BTBD17: variants seen among roughly 807,000 people sequenced by gnomAD.
The protein encoded by BTBD17 is BTB domain containing 17.
BTBD17 carries 26 observed loss-of-function variants against 36.9 expected under a neutral mutation model. The observed-to-expected ratio is 0.70, with a 90% CI of 0.52 to 0.98. BTBD17 has a LOEUF of 0.98. Ranked by LOEUF, BTBD17 falls within the 50% of genes least tolerant of loss-of-function variation. BTBD17 has a pLI of 0.00. For missense variants in BTBD17, 630 were observed against 691.3 expected (o/e 0.91, Z 0.99); for synonymous variants, 341 against 338.0 (o/e 1.01, Z -0.10).
Position 74,360,304 on chromosome 17 carries a change from C to G in BTBD17, c.86-59G>C, listed in dbSNP as rs554026072. On this transcript the variant is annotated intron_variant, in intron 1 of 2. Transcript: ENST00000375366. ...AGGTGCCCGGGCCCAGAACCTCAGT[C>G]AGGGGTGGAGAGGGACCAGCTGGAG... is the stretch of plus-strand genomic sequence containing the variant. The G allele has an allele frequency of 4.6e-6, 7 of 1,522,480 alleles. No homozygotes were observed. The East Asian group carries it at 1.4e-4, about 31-fold the overall frequency. The allele number at this position is 1,522,480 out of a possible 1,614,324, so 94.3% of individuals were successfully genotyped here.
rs149486034 is a variant in BTBD17, at chr17:74,360,098, C to A, written c.233G>T (p.Arg78Leu). 56 of 1,613,118 alleles carry A rather than the reference C, an allele frequency of 3.5e-5. No homozygotes were observed. Among genetic ancestry groups the A allele is most frequent in the Non-Finnish European group, 4.7e-5 (55 of 1,180,016 alleles). The change falls in exon 2 of 3, where the codon CGG (arginine) becomes CTG (leucine). Residue 78 changes from arginine to leucine, a missense_variant. By Grantham distance (102) the Arg-to-Leu change is moderately radical (BLOSUM62 -2). Transcript: ENST00000375366. Reference protein sequence around the residue: ...RVQAAGTDEVRVFHAHRLLLG... With the variant: ...RVQAAGTDEVLVFHAHRLLLG... ...CAGCAGGCGGTGGGCGTGGAATACC[C>A]GGACCTCATCGGTGCCCGCAGCCTG...
chr17:74,357,457 G>A lies in BTBD17; in HGVS notation c.637C>T (p.Leu213Phe). 5.1e-6 allele frequency: 8 copies of A among 1,579,528 alleles called. No individual in the cohort carries two copies. The highest frequency in any genetic ancestry group is 6.8e-6 in the Non-Finnish European group (8 of 1,171,348). ...TEWGAVSPEL[L>F]WQLLQRSDLV... ...TCCGAGCGTTGCAGGAGCTGCCAGA[G>A]CAGCTCGGGGCTCACGGCGCCCCAC... Residue 213 changes from leucine (L) to phenylalanine (F), a missense_variant, in exon 3 of 3, where the codon CTC (leucine) becomes TTC (phenylalanine). Transcript: ENST00000375366. This position sits in a 1 kb window ranked among gnomAD's most constrained non-coding sequence, Gnocchi z 8.4.
intron 1 of BTBD17, among the ~76,000 whole-genome samples, 177 bp from the exon 2 acceptor site, chr17:74,360,422 G>A (rs964218728): frequency 1.3e-5 from 2 of 152,222 alleles, no homozygotes; most frequent in Non-Finnish European, 2.9e-5. Context: ...GGATGCATCG[G>A]TGCACATACA....
At position 74,356,504 on chromosome 17, in the gene BTBD17, C is replaced by G. The variant is rs1017984703; in HGVS notation, c.*153G>C. On this transcript the variant is annotated 3_prime_UTR_variant, in exon 3 of 3. Transcript: ENST00000375366. This position sits in a 1 kb window ranked among gnomAD's most constrained non-coding sequence, Gnocchi z 4.3. ...CAGCTCTTGAAACCAGGCATCTTGTCTACCACGCCTCACCTGGACTCCACC... is the reference window on the plus strand; with the variant it reads ...CAGCTCTTGAAACCAGGCATCTTGTGTACCACGCCTCACCTGGACTCCACC... 3 of 1,230,670 alleles carry G rather than the reference C, an allele frequency of 2.4e-6. No homozygotes were observed. The highest frequency in any genetic ancestry group is 3.1e-6 in the Non-Finnish European group (3 of 964,688). 76.2% of individuals were successfully genotyped at this position (1,230,670 alleles called of 1,614,324 possible). A position where few individuals can be genotyped will look rare whatever the true frequency, so the allele number is the denominator to read the frequency against.
rs1229951930 is a variant in BTBD17 at position 74,357,346 on chromosome 17, G to C, written c.748C>G (p.Arg250Gly). Residue 250 changes from arginine (R) to glycine (G), a missense_variant, in exon 3 of 3, where the codon CGG (arginine) becomes GGG (glycine). Arg to Gly is a moderately radical substitution (Grantham distance 125). Transcript: ENST00000375366. The surrounding 1 kb of genome is among the most constrained non-coding windows in gnomAD (Gnocchi z 8.4). ...GGGTAGCGTATGGCGCGCAGCGCCC[G>C]CTCGGCCACGGCAGGGGGCGGCCGC... ...RARPPPAVAE[R>G]ALRAIRYPMI... is the part of the protein sequence containing the mutation. 5.8e-6 allele frequency: 9 copies of C among 1,550,788 alleles called. No individual in the cohort carries two copies. The highest frequency in any genetic ancestry group is 7.8e-6 in the Non-Finnish European group (9 of 1,156,332).
At position 74,356,876 on chromosome 17, in the gene BTBD17, G is replaced by A; in HGVS notation, c.1218C>T (p.Gly406=). Residue 406 remains glycine, a synonymous_variant, in exon 3 of 3, where the codon GGC becomes GGT. Transcript: ENST00000375366. This position sits in a 1 kb window ranked among gnomAD's most constrained non-coding sequence, Gnocchi z 4.3. ...TPASSGGDAA[G]VSFQKTVLVG... Reference sequence around the variant, plus strand: ...CCAGCACCGTCTTCTGGAAGCTCACGCCCGCCGCGTCGCCGCCGCTGCTGG... The same window carrying A: ...CCAGCACCGTCTTCTGGAAGCTCACACCCGCCGCGTCGCCGCCGCTGCTGG... 1 of 1,500,116 alleles carries A rather than the reference G, an allele frequency of 6.7e-7. No individual in the cohort carries two copies. Among genetic ancestry groups the A allele is most frequent in the Non-Finnish European group, 8.8e-7 (1 of 1,135,032 alleles). 92.9% of individuals were successfully genotyped at this position (1,500,116 alleles called of 1,614,324 possible). A position where few individuals can be genotyped will look rare whatever the true frequency, so the allele number is the denominator to read the frequency against.
chr17:74,356,746 G>C lies in BTBD17; in HGVS notation c.1348C>G (p.Arg450Gly). The C allele has an allele frequency of 6.2e-7, 1 of 1,600,988 alleles. No individual in the cohort carries two copies. The change falls in exon 3 of 3, where the codon CGC (arginine) becomes GGC (glycine). Residue 450 changes from arginine (R) to glycine (G), a missense_variant. Arg to Gly is a moderately radical substitution (Grantham distance 125). Transcript: ENST00000375366. The surrounding 1 kb of genome is among the most constrained non-coding windows in gnomAD (Gnocchi z 4.3). ...DFLAHADLQR[R>G]NSEYLVENAL... ...TTCTCAACCAGGTACTCGGAGTTGCGCCGCTGCAGGTCGGCGTGCGCCAGG... is the reference window on the plus strand; with the variant it reads ...TTCTCAACCAGGTACTCGGAGTTGCCCCGCTGCAGGTCGGCGTGCGCCAGG...
chr17:74,357,385 A>C lies in BTBD17; in HGVS notation c.709T>G (p.Trp237Gly). The change falls in exon 3 of 3, where the codon TGG becomes GGG. Residue 237 changes from tryptophan to glycine, a missense_variant. Coordinates refer to ENST00000375366, the MANE Select transcript of BTBD17 (RefSeq NM_001080466.2). This position sits in a 1 kb window ranked among gnomAD's most constrained non-coding sequence, Gnocchi z 8.4. Reference sequence around the variant, plus strand: ...GGGGGCGGCCGCGCGCGACCCAGCCAGGCCTCCAGCGCGTGGAACAGCTCC... The same window carrying C: ...GGGGGCGGCCGCGCGCGACCCAGCCCGGCCTCCAGCGCGTGGAACAGCTCC... ...ELELFHALEA[W>G]LGRARPPPAV... The C allele has an allele frequency of 6.4e-7, 1 of 1,566,390 alleles. No homozygotes were observed. The highest frequency in any genetic ancestry group is 8.6e-7 in the Non-Finnish European group (1 of 1,165,152).
At chr17:74,360,904 C>T (rs1039372847) in intron 1 of BTBD17, among the ~76,000 whole-genome samples, 10 of 152,150 alleles carry the variant, frequency 6.6e-5, no homozygotes, top group South Asian at 2.1e-4. Flanking sequence ...GCCTGGGGTA[C>T]TGGGAGCAGA....
In BTBD17 at chr17:74,361,764, A is replaced by T; in HGVS notation, c.56T>A (p.Leu19Gln). Residue 19 changes from leucine to glutamine, a missense_variant, in exon 1 of 3, where the codon CTG becomes CAG. Transcript: ENST00000375366. ...PGSWGSFWAMLTLVGLVTHAA... is the reference protein window; with the variant it reads ...PGSWGSFWAMQTLVGLVTHAA... ...ATGGGTGACCAGGCCCACCAAGGTC[A>T]GCATGGCCCAGAAGCTGCCCCAGGA... The T allele has an allele frequency of 6.2e-7, 1 of 1,613,840 alleles. No homozygotes were observed. The highest frequency in any genetic ancestry group is 8.5e-7 in the Non-Finnish European group (1 of 1,179,886).
chr17:74,357,777 C>T lies in BTBD17; in HGVS notation c.363-46G>A, dbSNP rs2054909583. ...TGGGGCGGGGTCAGGGCGGTACCCA[C>T]CTCCCAGGATAGATTTTTTAGAGTC... On this transcript the variant is annotated intron_variant, in intron 2 of 2. Coordinates refer to ENST00000375366, the MANE Select transcript of BTBD17 (RefSeq NM_001080466.2). The surrounding 1 kb of genome is among the most constrained non-coding windows in gnomAD (Gnocchi z 8.4). 7 of 1,452,728 alleles carry T rather than the reference C, an allele frequency of 4.8e-6. No homozygotes were observed. In the East Asian group the frequency reaches 1.8e-4, roughly 37 times the overall value. 90.0% of individuals were successfully genotyped at this position (1,452,728 alleles called of 1,614,324 possible). A position where few individuals can be genotyped will look rare whatever the true frequency, so the allele number is the denominator to read the frequency against.
rs1244794406 is a variant in BTBD17, at chr17:74,359,988, C to T, written c.343G>A (p.Val115Ile). The T allele has an allele frequency of 6.2e-7, 1 of 1,611,104 alleles. No homozygotes were observed. Among genetic ancestry groups the T allele is most frequent in the African/African-American group, 1.3e-5 (1 of 75,036 alleles). The change falls in exon 2 of 3, where the codon GTC becomes ATC. Residue 115 changes from valine to isoleucine, a missense_variant. Physicochemically the swap from Val to Ile is conservative, Grantham distance 29. Coordinates refer to ENST00000375366, the MANE Select transcript of BTBD17 (RefSeq NM_001080466.2). ...CCCCACCTGATGAACTTGTCGAAGA[C>T]AGCGGCGCAGTCCTGTGGCTCCTGC... ...VLQEPQDCAA[V>I]FDKFIRYLYC...
rs1312685605 is a variant in BTBD17, at chr17:74,357,571, A to C, written c.523T>G (p.Tyr175Asp). Residue 175 changes from tyrosine (Y) to aspartate (D), a missense_variant, in exon 3 of 3, where the codon TAC (tyrosine) becomes GAC (aspartate). Tyr to Asp is a radical substitution (Grantham distance 160, BLOSUM62 -3). Transcript: ENST00000375366. The surrounding 1 kb of genome is among the most constrained non-coding windows in gnomAD (Gnocchi z 8.4). ...GAGPAVGWYH[Y>D]AVGTGDEALR... ...GCCTCGTCCCCGGTGCCCACCGCGT[A>C]GTGGTACCAGCCCACCGCCGGGCCC... The C allele has an allele frequency of 4.5e-6, 7 of 1,553,318 alleles. No individual in the cohort carries two copies. Among genetic ancestry groups the C allele is most frequent in the Non-Finnish European group, 6.1e-6 (7 of 1,156,488 alleles).
chr17:74,361,769 G>A lies in BTBD17; in HGVS notation c.51C>T (p.Ala17=), dbSNP rs1336861924. The change falls in exon 1 of 3, where the codon GCC becomes GCT. Residue 17 remains alanine (A), a synonymous_variant. Coordinates refer to ENST00000375366, the MANE Select transcript of BTBD17 (RefSeq NM_001080466.2). ...TGACCAGGCCCACCAAGGTCAGCAT[G>A]GCCCAGAAGCTGCCCCAGGACCCAG... The part of the protein sequence containing the change: ...SKPGSWGSFW[A]MLTLVGLVTH... The A allele has an allele frequency of 6.2e-7, 1 of 1,613,828 alleles. No homozygotes were observed. The highest frequency in any genetic ancestry group is 1.7e-5 in the Admixed American group (1 of 59,988).
chr17:74,361,959 C>A, upstream of BTBD17: 1 of 652,212 alleles, frequency 1.5e-6, no homozygotes, highest in Admixed American at 2.8e-5. Flanking sequence ...CACTCAGCCT[C>A]CTCCATGGAT....
chr17:74,360,987 G>A (rs1442649618), intron 1 of BTBD17, among the ~76,000 whole-genome samples: 2 of 152,188 alleles, frequency 1.3e-5, no homozygotes, highest in Admixed American at 6.5e-5. Flanking sequence ...GGTGTGGAAG[G>A]GAAGCTGTTT....
Position 74,357,673 on chromosome 17 carries a change from G to T in BTBD17, c.421C>A (p.Leu141Met), listed in dbSNP as rs2054908090. Residue 141 changes from leucine (L) to methionine (M), a missense_variant, in exon 3 of 3, where the codon CTG (leucine) becomes ATG (methionine). Transcript: ENST00000375366. This position sits in a 1 kb window ranked among gnomAD's most constrained non-coding sequence, Gnocchi z 8.4. ...GAGGACACGCCGTACTTGGTGGCCA[G>T]TCTGTGCAGGGGGATGGCCTGGGTC... ...LLTQAIPLHR[L>M]ATKYGVSSLQ... 2.6e-6 allele frequency: 4 copies of T among 1,549,734 alleles called. No homozygotes were observed. In the African/African-American group the frequency reaches 5.5e-5, roughly 21 times the overall value.
rs563636301 is a variant in BTBD17, at chr17:74,356,482, C to T, written c.*175G>A. ...TCCTTCAAGTCAGCTGTGAAATCAG[C>T]TCTTGAAACCAGGCATCTTGTCTAC... is the stretch of plus-strand genomic sequence containing the variant. On this transcript the variant is annotated 3_prime_UTR_variant, in exon 3 of 3. Transcript: ENST00000375366. This position sits in a 1 kb window ranked among gnomAD's most constrained non-coding sequence, Gnocchi z 4.3. The T allele has an allele frequency of 4.7e-5, 50 of 1,068,008 alleles. 1 individual carries two copies. The African/African-American group carries it at 8.2e-4, about 17-fold the overall frequency. 66.2% of individuals were successfully genotyped at this position (1,068,008 alleles called of 1,614,324 possible). A position where few individuals can be genotyped will look rare whatever the true frequency, so the allele number is the denominator to read the frequency against.
rs775686353 is a variant in BTBD17, at chr17:74,357,059, C to T, written c.1035G>A (p.Pro345=). 6.5e-6 allele frequency: 10 copies of T among 1,532,794 alleles called. No individual in the cohort carries two copies. In the African/African-American group the frequency reaches 1.4e-4, roughly 22 times the overall value. 94.9% of individuals were successfully genotyped at this position (1,532,794 alleles called of 1,614,324 possible). A position where few individuals can be genotyped will look rare whatever the true frequency, so the allele number is the denominator to read the frequency against. ...CCCGGCGGCCCGCGTCGTGGCCACT[C>T]GGGCCCAGCTGCGTCTGGAAGCTGG... The part of the protein sequence containing the change: ...RSTSFQTQLG[P]SGHDAGRRVT... Residue 345 remains proline (P), a synonymous_variant, in exon 3 of 3, where the codon CCG becomes CCA. Coordinates refer to ENST00000375366, the MANE Select transcript of BTBD17 (RefSeq NM_001080466.2). This position sits in a 1 kb window ranked among gnomAD's most constrained non-coding sequence, Gnocchi z 8.4.
Sources: gnomAD v4.1 joint callset for allele counts (sites outside exome capture counted in the v4.1 genomes callset) on GRCh38, gnomAD v4.1.1 for gene constraint, Gnocchi (gnomAD v3.1) non-coding constraint, MANE v1.5 for transcripts, NCBI Gene and HGNC (gene_info 2026-07-23, HGNC 2026-07-21) for gene names.